CWC27: variants seen among roughly 807,000 people sequenced by gnomAD.
The protein encoded by CWC27 is CWC27 spliceosome associated cyclophilin.
CWC27 carries 47 observed loss-of-function variants against 63.6 expected under a neutral mutation model. The observed-to-expected ratio is 0.74, with a 90% CI of 0.58 to 0.94. The LOEUF is 0.94. CWC27 is among the 40% of genes least tolerant of loss of function. CWC27 has a pLI of 0.00. For missense variants in CWC27, 495 were observed against 554.3 expected, an observed-to-expected ratio of 0.89 and a Z score of 1.07; for synonymous variants, 175 against 179.8, an observed-to-expected ratio of 0.97 and a Z score of 0.22.
intron 11 of CWC27, among the ~76,000 whole-genome samples, chr5:64,913,726 T>C (rs185629187): frequency 2.6e-5 from 4 of 152,154 alleles, no homozygotes; most frequent in Non-Finnish European, 2.9e-5. Flanking sequence ...GAGGGACATA[T>C]CATGTTTATG....
intron 12 of CWC27, among the ~76,000 whole-genome samples, chr5:64,975,982 C>T (rs1233248499): frequency 2.6e-5 from 4 of 152,050 alleles, no homozygotes; most frequent in Non-Finnish European, 4.4e-5. Context: ...GCAGGAGAAT[C>T]GCTTGAACCT....
At chr5:64,942,556 T>G (rs1748506466) in intron 11 of CWC27, among the ~76,000 whole-genome samples, 1 of 151,952 alleles carries the variant, frequency 6.6e-6, no homozygotes, top group Non-Finnish European at 1.5e-5. Context: ...CAAACCTGGA[T>G]GTACCCCCTC....
intron 10 of CWC27, among the ~76,000 whole-genome samples, chr5:64,857,906 G>A (rs534944365): frequency 6.6e-6 from 1 of 151,876 alleles, no homozygotes; most frequent in Non-Finnish European, 1.5e-5. Flanking sequence ...GGGAGGCCGA[G>A]GCGGGCGGAT....
chr5:64,946,300 A>G (rs1748590630), intron 11 of CWC27, among the ~76,000 whole-genome samples: 2 of 152,178 alleles, frequency 1.3e-5, no homozygotes, highest in South Asian at 2.1e-4. Context: ...CTATGTACAT[A>G]TACAGAGACA....
intron 13 of CWC27, among the ~76,000 whole-genome samples, chr5:64,982,908 T>C (rs985228470): frequency 6.6e-6 from 1 of 152,310 alleles, no homozygotes; most frequent in East Asian, 1.9e-4. Context: ...CTCCACCTCC[T>C]GTCACATCAA....
intron 10 of CWC27, among the ~76,000 whole-genome samples, chr5:64,851,713 G>A (rs1028006356): frequency 1.2e-4 from 18 of 152,082 alleles, no homozygotes; most frequent in Non-Finnish European, 4.4e-5. Context: ...ACTAGAAAAT[G>A]TTTGAAAGGC....
intron 11 of CWC27, among the ~76,000 whole-genome samples, chr5:64,944,680 A>C (rs1475365497): frequency 1.3e-5 from 2 of 152,114 alleles, no homozygotes; most frequent in Non-Finnish European, 2.9e-5. Flanking sequence ...ATTGATCAGC[A>C]AATCCAGGAT....
At chr5:64,953,831 T>G (rs1748754055) in intron 11 of CWC27, among the ~76,000 whole-genome samples, 1 of 152,330 alleles carries the variant, frequency 6.6e-6, no homozygotes, top group South Asian at 2.1e-4. Context: ...TCATTAGAAA[T>G]GCTCACAGAC....
At chr5:64,940,474 C>A (rs1287596162) in intron 11 of CWC27, among the ~76,000 whole-genome samples, 1 of 152,144 alleles carries the variant, frequency 6.6e-6, no homozygotes, top group Non-Finnish European at 1.5e-5. Flanking sequence ...TGAGATGAAC[C>A]AGTTACCTCA....
chr5:64,932,822 G>C (rs1748265277), intron 11 of CWC27, among the ~76,000 whole-genome samples: 1 of 152,062 alleles, frequency 6.6e-6, no homozygotes, highest in Non-Finnish European at 1.5e-5. Context: ...TTCCAGGTTT[G>C]TATCACATCC....
At chr5:64,843,164 TAGTA>T (rs1213013205) in intron 10 of CWC27, among the ~76,000 whole-genome samples, 1 of 152,232 alleles carries the variant, frequency 6.6e-6, no homozygotes, top group Non-Finnish European at 1.5e-5. Context: ...CAAAGGAAGA[TAGTA>T]AGTATTTTTG....
intron 4 of CWC27, among the ~76,000 whole-genome samples, chr5:64,785,139 G>T (rs1364794455): frequency 6.6e-6 from 1 of 152,010 alleles, no homozygotes; most frequent in East Asian, 1.9e-4. Context: ...CATTGTTATT[G>T]TTATTTGCTT....
chr5:64,951,812 A>T (rs1748715830), intron 11 of CWC27, among the ~76,000 whole-genome samples: 1 of 151,992 alleles, frequency 6.6e-6, no homozygotes, highest in South Asian at 2.1e-4. Context: ...TGTAGAATGT[A>T]TCAAATACTT....
chr5:64,807,393 A>G (rs1744720999), intron 10 of CWC27, among the ~76,000 whole-genome samples: 1 of 152,226 alleles, frequency 6.6e-6, no homozygotes, highest in African/African-American at 2.4e-5. Flanking sequence ...GTTTACATAT[A>G]GTAGGATCTT....
intron 10 of CWC27, among the ~76,000 whole-genome samples, chr5:64,827,342 C>G (rs1044441536): frequency 3.3e-5 from 5 of 152,270 alleles, no homozygotes; most frequent in Admixed American, 2.0e-4. Flanking sequence ...GAATTTATCC[C>G]ATGTCATAAG....
intron 11 of CWC27, among the ~76,000 whole-genome samples, chr5:64,892,441 A>C (rs1747260806): frequency 1.3e-5 from 2 of 152,214 alleles, no homozygotes. Flanking sequence ...GTAGAAAGGC[A>C]TAAAGGTTAA....
intron 10 of CWC27, among the ~76,000 whole-genome samples, chr5:64,842,791 G>A (rs1159688676): frequency 6.6e-6 from 1 of 151,752 alleles, no homozygotes. Flanking sequence ...AGGTGGAGAT[G>A]GGGTTTCGCC....
chr5:64,887,037 A>T (rs1015494549), intron 11 of CWC27, among the ~76,000 whole-genome samples: 5 of 152,138 alleles, frequency 3.3e-5, no homozygotes, highest in Admixed American at 6.5e-5. Context: ...TTTCAACTAG[A>T]AAGAATAAAA....
chr5:64,785,579 G>A lies in CWC27; in HGVS notation c.495G>A (p.Glu165=), dbSNP rs1085307446. The A allele has an allele frequency of 3.2e-6, 5 of 1,574,490 alleles. No homozygotes were observed. Among genetic ancestry groups the A allele is most frequent in the Non-Finnish European group, 4.3e-6 (5 of 1,154,734 alleles). The change falls in exon 5 of 14, where the codon GAG becomes GAA. Residue 165 remains glutamate (E), a splice_region_variant and synonymous_variant. Coordinates refer to ENST00000381070, the MANE Select transcript of CWC27 (RefSeq NM_005869.4). ...ATCCACACAAAATAAAAAGCTGTGAGGTAGGAGCATGATTATTACGAGATA... is the reference window on the plus strand; with the variant it reads ...ATCCACACAAAATAAAAAGCTGTGAAGTAGGAGCATGATTATTACGAGATA... ...PHNPHKIKSC[E]VLFNPFDDII...
Sources: gnomAD v4.1 joint callset for allele counts (sites outside exome capture counted in the v4.1 genomes callset) on GRCh38, gnomAD v4.1.1 for gene constraint, MANE v1.5 for transcripts, NCBI Gene and HGNC (gene_info 2026-07-23, HGNC 2026-07-21) for gene names.